The following NBAS variants were observed in gnomAD, a reference collection of about 807,000 sequenced individuals.
The protein encoded by NBAS is NAG/BC035112 fusion.
Under a neutral mutation model 302.5 loss-of-function variants are expected in NBAS, and 219 were observed. The observed-to-expected ratio is 0.72, with a 90% CI of 0.65 to 0.81. The LOEUF is 0.81. Among genes scored for constraint, NBAS ranks in the 30% least tolerant of loss-of-function variants. NBAS has a pLI of 0.00. For synonymous variants in NBAS, 1,118 were observed against 1,021.6 expected (o/e 1.09, Z -1.80); for missense variants, 2,932 against 2,841.6 (o/e 1.03, Z -0.72).
At chr2:15,032,321 A>C in the NBAS span, among the ~76,000 whole-genome samples, 7 of 152,222 alleles carry the variant, frequency 4.6e-5, no homozygotes, top group African/African-American at 7.2e-5. Flanking sequence ...GAAACTTTTA[A>C]AAGGCCATTC....
At chr2:15,237,729 G>A (rs1448892050) in intron 45 of NBAS, among the ~76,000 whole-genome samples, 2 of 149,926 alleles carry the variant, frequency 1.3e-5, no homozygotes, top group Non-Finnish European at 3.0e-5. Flanking sequence ...CTGAGTAGCT[G>A]GGATTACAGG....
chr2:15,167,446 CGT>C, intron 51 of NBAS, 123 bp from the exon 52 acceptor site: 2 of 1,257,402 alleles, frequency 1.6e-6, no homozygotes, highest in Non-Finnish European at 2.3e-6. Context: ...GGTTTAAAAG[CGT>C]GTGTGGGTCA....
intron 43 of NBAS, among the ~76,000 whole-genome samples, chr2:15,276,162 C>A (rs986145532): frequency 6.6e-6 from 1 of 152,128 alleles, no homozygotes; most frequent in African/African-American, 2.4e-5. Flanking sequence ...CATTACATTT[C>A]TTTGTTATTT....
chr2:15,489,837 C>G (rs1317170162), intron 11 of NBAS, among the ~76,000 whole-genome samples: 1 of 152,084 alleles, frequency 6.6e-6, no homozygotes, highest in Admixed American at 6.5e-5. Context: ...AAGACCTGAA[C>G]AAACATTAAC....
chr2:15,504,399 C>T (rs181347271), intron 10 of NBAS, among the ~76,000 whole-genome samples, 186 bp from the exon 11 acceptor site: 45 of 151,866 alleles, frequency 3.0e-4, no homozygotes, highest in Admixed American at 6.6e-4. Context: ...AAAAATCCAC[C>T]AAGTGGTACA....
the NBAS span, among the ~76,000 whole-genome samples, chr2:14,780,696 A>G: frequency 6.6e-6 from 1 of 152,238 alleles, no homozygotes; most frequent in East Asian, 1.9e-4. Flanking sequence ...AGGACAAGTT[A>G]GAACCCCACT....
intron 45 of NBAS, among the ~76,000 whole-genome samples, chr2:15,235,606 A>AT (rs1205720188): frequency 2.6e-5 from 4 of 152,280 alleles, no homozygotes; most frequent in East Asian, 1.9e-4. Context: ...ATGTTTATTA[A>AT]TTTTTTTCTA....
chr2:14,971,858 T>A, the NBAS span, among the ~76,000 whole-genome samples: 13,377 of 152,160 alleles, frequency 0.088, 1,559 homozygotes, highest in African/African-American at 0.26. Context: ...AAATACTAAA[T>A]TTTCAAATAC....
chr2:14,791,754 A>G, the NBAS span, among the ~76,000 whole-genome samples: 2 of 151,988 alleles, frequency 1.3e-5, no homozygotes, highest in East Asian at 3.9e-4. Flanking sequence ...CAGTGAGCCG[A>G]GATTTCACCA....
chr2:15,282,667 G>A (rs1168343545), intron 42 of NBAS, among the ~76,000 whole-genome samples: 2 of 152,158 alleles, frequency 1.3e-5, no homozygotes, highest in Non-Finnish European at 2.9e-5. Context: ...CCATTTGAGT[G>A]ACCAAAAAGT....
chr2:15,096,555 C>A, the NBAS span, among the ~76,000 whole-genome samples: 1 of 152,234 alleles, frequency 6.6e-6, no homozygotes, highest in African/African-American at 2.4e-5. Context: ...CCTCCTAAGG[C>A]CCTCAGGGCA....
chr2:15,295,314 G>C (rs1179819485), intron 40 of NBAS, among the ~76,000 whole-genome samples: 1 of 152,138 alleles, frequency 6.6e-6, no homozygotes, highest in African/African-American at 2.4e-5. Flanking sequence ...AGAAAGTTTT[G>C]AGTCTCCACA....
At chr2:14,849,241 G>A in the NBAS span, among the ~76,000 whole-genome samples, 4 of 151,664 alleles carry the variant, frequency 2.6e-5, no homozygotes, top group Non-Finnish European at 5.9e-5. Flanking sequence ...AGGAGCTGAT[G>A]GAGCTGAAAA....
At chr2:15,034,228 GAA>G in the NBAS span, among the ~76,000 whole-genome samples, 3 of 51,806 alleles carry the variant, frequency 5.8e-5, no homozygotes, top group African/African-American at 2.1e-4. Flanking sequence ...GAGAGGGAAA[GAA>G]AGAAGGAAAG....
At chr2:14,858,343 A>G in the NBAS span, among the ~76,000 whole-genome samples, 9 of 152,128 alleles carry the variant, frequency 5.9e-5, no homozygotes, top group Admixed American at 5.9e-4. Context: ...TCAGTATATC[A>G]AAGAGATATC....
At chr2:15,307,137 C>A (rs932276640) in intron 40 of NBAS, among the ~76,000 whole-genome samples, 1 of 152,108 alleles carries the variant, frequency 6.6e-6, no homozygotes, top group Non-Finnish European at 1.5e-5. Flanking sequence ...GACACATGGG[C>A]ACACCAGCTC....
chr2:14,878,934 A>G, the NBAS span, among the ~76,000 whole-genome samples: 1 of 147,684 alleles, frequency 6.8e-6, no homozygotes, highest in Non-Finnish European at 1.5e-5. Flanking sequence ...GCACTGCACT[A>G]AAAATCCCGT....
At chr2:15,279,464 G>GA (rs1669732568) in intron 42 of NBAS, among the ~76,000 whole-genome samples, 1 of 152,062 alleles carries the variant, frequency 6.6e-6, no homozygotes, top group African/African-American at 2.4e-5. Flanking sequence ...AGCAATAATC[G>GA]AAAAGAGTTC....
chr2:15,470,045 A>G (rs1679893976), intron 16 of NBAS, among the ~76,000 whole-genome samples: 1 of 152,162 alleles, frequency 6.6e-6, no homozygotes, highest in South Asian at 2.1e-4. Context: ...TCCTAGAAAG[A>G]GCTATTATGG....
Sources: allele counts gnomAD v4.1 joint callset (sites outside exome capture counted in the v4.1 genomes callset), GRCh38; gene constraint gnomAD v4.1.1; transcripts MANE v1.5; gene names NCBI Gene and HGNC (gene_info 2026-07-23, HGNC 2026-07-21).